Variants in ADAT3 observed in about 807,000 individuals in gnomAD.
The protein encoded by ADAT3 is tRNA-specific adenosine-34 deaminase regulatory subunit ADAT3.
ADAT3 carries 2 observed loss-of-function variants against 3.5 expected under a neutral mutation model. The observed-to-expected ratio is 0.57, with a 90% CI of 0.23 to 1.79. ADAT3 has a LOEUF of 1.79. Among genes scored for constraint, ADAT3 ranks in the 40% most tolerant of loss-of-function variants. The probability of loss-of-function intolerance (pLI) is 0.18; values close to 1 mark genes in which losing one functional copy is unlikely to be tolerated. For synonymous variants in ADAT3, 358 were observed against 270.3 expected, an observed-to-expected ratio of 1.32 and a Z score of -3.18; for missense variants, 735 against 571.4, an observed-to-expected ratio of 1.29 and a Z score of -2.92.
chr19:1,912,239 G>A lies in ADAT3; in HGVS notation c.192G>A (p.Ala64=), dbSNP rs1426022058. The change falls in exon 2 of 2, where the codon GCG becomes GCA. Residue 64 remains alanine, a synonymous_variant. Transcript: ENST00000329478. The part of the protein sequence containing the change: ...GDVELVLAYA[A]PVLDKRQTSR... ...TGGAGCTGGTGCTGGCCTACGCCGC[G>A]CCCGTCCTGGACAAGCGCCAGACCT... 1.3e-6 allele frequency: 2 copies of A among 1,596,564 alleles called. No homozygotes were observed. The highest frequency in any genetic ancestry group is 2.3e-5 in the East Asian group (1 of 44,086).
In ADAT3 at chr19:1,908,148, G is replaced by A. The variant is rs536245602; in HGVS notation, c.-159+2709G>A. On this transcript the variant is annotated intron_variant, in intron 1 of 1. Coordinates refer to ENST00000329478, the MANE Select transcript of ADAT3 (RefSeq NM_138422.4). This position sits in a 1 kb window ranked among gnomAD's most constrained non-coding sequence, Gnocchi z 4.2. Reference sequence around the variant, plus strand: ...GCGGGCCTCTCGGTCCTGGTCGCGCGTGGTGTGCGTTTTGGGAGGGCCCAG... The same window carrying A: ...GCGGGCCTCTCGGTCCTGGTCGCGCATGGTGTGCGTTTTGGGAGGGCCCAG... 6 of 255,224 alleles carry A rather than the reference G, an allele frequency of 2.4e-5. No homozygotes were observed. The highest frequency in any genetic ancestry group is 1.3e-4 in the East Asian group (1 of 7,534). The allele number at this position is 255,224 out of a possible 1,614,324, so 15.8% of individuals were successfully genotyped here. A position where few individuals can be genotyped will look rare whatever the true frequency, so the allele number is the denominator to read the frequency against.
At position 1,912,398 on chromosome 19, in the gene ADAT3, G is replaced by T. The variant is rs779532888; in HGVS notation, c.351G>T (p.Ser117=). The part of the protein sequence containing the change: ...EMLLCLAGPA[S]GPRSLAELLP... ...TGCTTTGCCTGGCTGGGCCGGCCTC[G>T]GGCCCGCGCTCGCTGGCTGAGCTCC... Residue 117 remains serine (S), a synonymous_variant, in exon 2 of 2, where the codon TCG becomes TCT. Transcript: ENST00000329478. 6.6e-7 allele frequency: 1 copy of T among 1,515,734 alleles called. No individual in the cohort carries two copies. The highest frequency in any genetic ancestry group is 8.8e-7 in the Non-Finnish European group (1 of 1,139,254). 93.9% of individuals were successfully genotyped at this position (1,515,734 alleles called of 1,614,324 possible). A position where few individuals can be genotyped will look rare whatever the true frequency, so the allele number is the denominator to read the frequency against.
In ADAT3 at chr19:1,911,705, C is replaced by A. The variant is rs892327407; in HGVS notation, c.-158-185C>A. 2.0e-5 allele frequency among the ~76,000 whole-genome samples: 3 copies of A among 152,176 alleles called. No homozygotes were observed. The South Asian group carries it at 6.2e-4, about 31-fold the overall frequency. On this transcript the variant is annotated intron_variant, in intron 1 of 1. Transcript: ENST00000329478. ...GGCTGAGGCATGAGAATAGCTTGAACCCGGGAGGCGGAGGTTGCAGTGAGC... is the reference window on the plus strand; with the variant it reads ...GGCTGAGGCATGAGAATAGCTTGAAACCGGGAGGCGGAGGTTGCAGTGAGC...
Position 1,912,510 on chromosome 19 carries a change from T to G in ADAT3, c.463T>G (p.Phe155Val). 1 of 1,495,384 alleles carries G rather than the reference T, an allele frequency of 6.7e-7. No individual in the cohort carries two copies. The highest frequency in any genetic ancestry group is 2.7e-5 in the East Asian group (1 of 36,640). 92.6% of individuals were successfully genotyped at this position (1,495,384 alleles called of 1,614,324 possible). Residue 155 changes from phenylalanine (F) to valine (V), a missense_variant, in exon 2 of 2, where the codon TTC (phenylalanine) becomes GTC (valine). Phe to Val is a conservative substitution (Grantham distance 50). Transcript: ENST00000329478. ...CCGGCCGCCTCTGACCAGGGGCCAG[T>G]TCGAGGAGGCCCGGGCCCACTGGCC... is the stretch of plus-strand genomic sequence containing the variant. ...PARPPLTRGQ[F>V]EEARAHWPTS...
In ADAT3 at chr19:1,912,799, G is replaced by T. The variant is rs1460839190; in HGVS notation, c.752G>T (p.Gly251Val). The change falls in exon 2 of 2, where the codon GGC (glycine) becomes GTC (valine). Residue 251 changes from glycine to valine, a missense_variant. Physicochemically the swap from Gly to Val is moderately radical, Grantham distance 109. Transcript: ENST00000329478. ...VMVCVDLVAR[G>V]QGRGTYDFRP... Reference sequence around the variant, plus strand: ...GTGTGCGTGGACCTCGTGGCGCGCGGCCAGGGCCGCGGCACCTACGACTTC... The same window carrying T: ...GTGTGCGTGGACCTCGTGGCGCGCGTCCAGGGCCGCGGCACCTACGACTTC... The T allele has an allele frequency of 3.2e-6, 5 of 1,575,804 alleles. No homozygotes were observed. The South Asian group carries it at 5.6e-5, about 18-fold the overall frequency.
intron 1 of ADAT3, among the ~76,000 whole-genome samples, chr19:1,909,708 G>T (rs1370034073): frequency 6.6e-6 from 1 of 152,154 alleles, no homozygotes; most frequent in Non-Finnish European, 1.5e-5. Flanking sequence ...ATGTTAGCAG[G>T]AGCCCCGGGA....
chr19:1,911,065 C>T (rs1005677709), intron 1 of ADAT3, among the ~76,000 whole-genome samples: 12 of 151,738 alleles, frequency 7.9e-5, no homozygotes, highest in Admixed American at 4.6e-4. Context: ...TTAGTAGAGA[C>T]GGGGTTTCAC....
At chr19:1,910,797 G>C (rs1568762386) in intron 1 of ADAT3, among the ~76,000 whole-genome samples, 1 of 151,626 alleles carries the variant, frequency 6.6e-6, no homozygotes, top group Non-Finnish European at 1.5e-5. Flanking sequence ...GGCTGGTCTC[G>C]ATCTCGTGGC....
chr19:1,912,734 C>T lies in ADAT3; in HGVS notation c.687C>T (p.Asp229=). Residue 229 remains aspartate, a synonymous_variant, in exon 2 of 2, where the codon GAC becomes GAT. Transcript: ENST00000329478. The part of the protein sequence containing the change: ...ASDRVLATGH[D]CSCADNPLLH... ...ACCGCGTGCTGGCCACCGGCCACGA[C>T]TGCAGCTGCGCGGACAACCCCCTCC... 6.5e-7 allele frequency: 1 copy of T among 1,536,510 alleles called. No homozygotes were observed. The highest frequency in any genetic ancestry group is 8.7e-7 in the Non-Finnish European group (1 of 1,149,076).
chr19:1,909,904 C>A (rs557567911), intron 1 of ADAT3, among the ~76,000 whole-genome samples: 4 of 152,214 alleles, frequency 2.6e-5, no homozygotes, highest in Non-Finnish European at 5.9e-5. Flanking sequence ...GCTTACGTTT[C>A]GTGGCTTGTC....
intron 1 of ADAT3, among the ~76,000 whole-genome samples, chr19:1,911,408 G>A (rs1391216036): frequency 6.6e-6 from 1 of 152,048 alleles, no homozygotes; most frequent in Non-Finnish European, 1.5e-5. Flanking sequence ...CTGGGCTCAA[G>A]TGATCCCCCC....
intron 1 of ADAT3, among the ~76,000 whole-genome samples, chr19:1,910,477 G>T (rs576652816): frequency 1.1e-4 from 16 of 152,190 alleles, no homozygotes; most frequent in African/African-American, 3.1e-4. Context: ...AGGGGTGATG[G>T]AATGTTCTGG....
chr19:1,910,942 A>G (rs1195978493), intron 1 of ADAT3, among the ~76,000 whole-genome samples: 1 of 147,320 alleles, frequency 6.8e-6, no homozygotes, highest in Admixed American at 6.7e-5. Context: ...TCTCGGCTCA[A>G]TGTAACCTGC....
Position 1,912,973 on chromosome 19 carries a change from T to C in ADAT3, c.926T>C (p.Met309Thr). Residue 309 changes from methionine to threonine, a missense_variant, in exon 2 of 2, where the codon ATG (methionine) becomes ACG (threonine). Transcript: ENST00000329478. Reference sequence around the variant, plus strand: ...TACGTGACCCGCGAGCCCTGCGCCATGTGCGCCATGGCCCTGGTGCACGCA... The same window carrying C: ...TACGTGACCCGCGAGCCCTGCGCCACGTGCGCCATGGCCCTGGTGCACGCA... ...DLYVTREPCAMCAMALVHARI... is the reference protein window; with the variant it reads ...DLYVTREPCATCAMALVHARI... The C allele has an allele frequency of 1.2e-6, 2 of 1,609,892 alleles. No individual in the cohort carries two copies. Among genetic ancestry groups the C allele is most frequent in the Non-Finnish European group, 1.7e-6 (2 of 1,179,244 alleles).
In ADAT3 at chr19:1,912,752, C is replaced by A; in HGVS notation, c.705C>A (p.Asn235Lys). The change falls in exon 2 of 2, where the codon AAC becomes AAA. Residue 235 changes from asparagine (N) to lysine (K), a missense_variant. Coordinates refer to ENST00000329478, the MANE Select transcript of ADAT3 (RefSeq NM_138422.4). Reference protein sequence around the residue: ...ATGHDCSCADNPLLHAVMVCV... With the variant: ...ATGHDCSCADKPLLHAVMVCV... ...GCCACGACTGCAGCTGCGCGGACAA[C>A]CCCCTCCTGCACGCCGTCATGGTGT... 7.1e-6 allele frequency: 11 copies of A among 1,550,440 alleles called. No individual in the cohort carries two copies. The highest frequency in any genetic ancestry group is 9.5e-6 in the Non-Finnish European group (11 of 1,156,018).
chr19:1,908,697 C>G lies in ADAT3; in HGVS notation c.-158-3193C>G. ...ATTTGAAAAAAGGAACAGGGTCTCTCTATCTTGCCCACGTTGGTCTCAAAC... is the reference window on the plus strand; with the variant it reads ...ATTTGAAAAAAGGAACAGGGTCTCTGTATCTTGCCCACGTTGGTCTCAAAC... On this transcript the variant is annotated intron_variant, in intron 1 of 1. Coordinates refer to ENST00000329478, the MANE Select transcript of ADAT3 (RefSeq NM_138422.4). This position sits in a 1 kb window ranked among gnomAD's most constrained non-coding sequence, Gnocchi z 4.2. The G allele has an allele frequency of 2.5e-6, 1 of 402,820 alleles. No individual in the cohort carries two copies. The highest frequency in any genetic ancestry group is 4.9e-6 in the Non-Finnish European group (1 of 202,692). The allele number at this position is 402,820 out of a possible 1,614,324, so 25.0% of individuals were successfully genotyped here.
chr19:1,906,488 G>C (rs1440073626), intron 1 of ADAT3: 2 of 152,088 alleles, frequency 1.3e-5, no homozygotes, highest in Non-Finnish European at 2.9e-5. Context: ...GCAGTGAACT[G>C]TGATGGCACT....
rs954931785 is a variant in ADAT3 at position 1,912,452 on chromosome 19, C to T, written c.405C>T (p.Gly135=). The T allele has an allele frequency of 2.0e-6, 3 of 1,506,716 alleles. No individual in the cohort carries two copies. Among genetic ancestry groups the T allele is most frequent in the Non-Finnish European group, 2.6e-6 (3 of 1,134,916 alleles). The allele number at this position is 1,506,716 out of a possible 1,614,324, so 93.3% of individuals were successfully genotyped here. A position where few individuals can be genotyped will look rare whatever the true frequency, so the allele number is the denominator to read the frequency against. Residue 135 remains glycine (G), a synonymous_variant, in exon 2 of 2, where the codon GGC becomes GGT. Transcript: ENST00000329478. ...CACGGCCGGCTGTGGACCCCCGCGG[C>T]CTGGGGCAACCCTTCCTGGTGCCCG... is the stretch of plus-strand genomic sequence containing the variant. The part of the protein sequence containing the change: ...LLPRPAVDPR[G]LGQPFLVPVP...
At chr19:1,910,801 T>C (rs1486192522) in intron 1 of ADAT3, among the ~76,000 whole-genome samples, 1 of 151,924 alleles carries the variant, frequency 6.6e-6, no homozygotes, top group African/African-American at 2.4e-5. Flanking sequence ...GGTCTCGATC[T>C]CGTGGCCTCA....
Sources: allele counts gnomAD v4.1 joint callset (sites outside exome capture counted in the v4.1 genomes callset), GRCh38; gene constraint gnomAD v4.1.1; non-coding constraint Gnocchi (gnomAD v3.1); transcripts MANE v1.5; gene names NCBI Gene and HGNC (gene_info 2026-07-23, HGNC 2026-07-21).